FAM178B: variants seen among roughly 807,000 people sequenced by gnomAD.
The protein encoded by FAM178B is family with sequence similarity 178 member B.
Under a neutral mutation model 91.7 loss-of-function variants are expected in FAM178B, and 82 were observed. That is an observed-to-expected ratio of 0.89 (90% CI 0.75 to 1.07). The LOEUF is 1.07. Among genes scored for constraint, FAM178B ranks in the 50% least tolerant of loss-of-function variants. FAM178B has a pLI of 0.00. For missense variants in FAM178B, 769 were observed against 846.7 expected (o/e 0.91, Z 1.14); for synonymous variants, 368 against 359.4 (o/e 1.02, Z -0.27).
chr2:96,942,921 G>C (rs1170477948), intron 8 of FAM178B, among the ~76,000 whole-genome samples: 2 of 152,132 alleles, frequency 1.3e-5, no homozygotes, highest in Non-Finnish European at 2.9e-5. Context: ...TCAACAAATG[G>C]TGCTGAGACA....
intron 12 of FAM178B, among the ~76,000 whole-genome samples, chr2:96,912,619 C>T (rs545465360): frequency 6.6e-6 from 1 of 152,230 alleles, no homozygotes; most frequent in East Asian, 1.9e-4. Context: ...AGCTCCTGGC[C>T]CTTTAGGTCC....
At chr2:96,942,559 A>AT (rs1036103366) in intron 8 of FAM178B, among the ~76,000 whole-genome samples, 2 of 151,088 alleles carry the variant, frequency 1.3e-5, no homozygotes, top group African/African-American at 2.4e-5. Flanking sequence ...TGCCCGGCTA[A>AT]TTTTTTTTTG....
intron 10 of FAM178B, among the ~76,000 whole-genome samples, chr2:96,922,112 T>C (rs536021882): frequency 6.6e-6 from 1 of 152,218 alleles, no homozygotes; most frequent in East Asian, 1.9e-4. Context: ...AACAGTGAAT[T>C]AGCATGCTAA....
chr2:96,975,794 A>G (rs1190992202), intron 1 of FAM178B, among the ~76,000 whole-genome samples: 1 of 152,198 alleles, frequency 6.6e-6, no homozygotes, highest in Non-Finnish European at 1.5e-5. Context: ...CCCCTTATCG[A>G]TTTCACTTTC....
chr2:96,892,378 C>G (rs2080703454), intron 14 of FAM178B, among the ~76,000 whole-genome samples: 1 of 152,210 alleles, frequency 6.6e-6, no homozygotes, highest in South Asian at 2.1e-4. Flanking sequence ...ACTCGCCTGC[C>G]TCTCCACTGC....
At chr2:96,963,415 A>C (rs1406222857) in intron 5 of FAM178B, among the ~76,000 whole-genome samples, 2 of 152,208 alleles carry the variant, frequency 1.3e-5, no homozygotes, top group Non-Finnish European at 2.9e-5. Context: ...CACGCTAATT[A>C]AATTCAGTCT....
At chr2:96,904,259 A>AT (rs2080987991) in intron 12 of FAM178B, among the ~76,000 whole-genome samples, 3 of 152,096 alleles carry the variant, frequency 2.0e-5, no homozygotes, top group Non-Finnish European at 4.4e-5. Context: ...GCTCAGTCCT[A>AT]CGGGGGGGTG....
chr2:96,890,227 A>T (rs1408565037), intron 14 of FAM178B, among the ~76,000 whole-genome samples: 1 of 152,112 alleles, frequency 6.6e-6, no homozygotes, highest in Non-Finnish European at 1.5e-5. Context: ...GTGAGCCGAG[A>T]TCCAGTCAGT....
In FAM178B at chr2:96,951,405, C is replaced by A. The variant is rs1325406609; in HGVS notation, c.967G>T (p.Val323Leu). The A allele has an allele frequency of 6.4e-7, 1 of 1,551,488 alleles. No homozygotes were observed. Among genetic ancestry groups the A allele is most frequent in the Non-Finnish European group, 8.7e-7 (1 of 1,146,804 alleles). Residue 323 changes from valine (V) to leucine (L), a missense_variant, in exon 7 of 17, where the codon GTA becomes TTA. Transcript: ENST00000490605. ...ILYLHMPDCP[V>L]SLLQWLFQLL... ...TGGAACAGCCACTGGAGCAGGGATA[C>A]CGGGCAGTCAGGCATGTGCAGGTAG...
intron 12 of FAM178B, among the ~76,000 whole-genome samples, chr2:96,905,291 C>G (rs1416806439): frequency 6.6e-6 from 1 of 152,128 alleles, no homozygotes; most frequent in Non-Finnish European, 1.5e-5. Flanking sequence ...GGCACAGTAG[C>G]TCACGCCTGT....
intron 13 of FAM178B, among the ~76,000 whole-genome samples, chr2:96,900,168 G>A (rs2080899996): frequency 6.6e-6 from 1 of 152,136 alleles, no homozygotes. Flanking sequence ...CGCTGGGCCT[G>A]TCCGTCAGCC....
chr2:96,957,046 G>A (rs2082009502), intron 6 of FAM178B, among the ~76,000 whole-genome samples: 1 of 151,458 alleles, frequency 6.6e-6, no homozygotes, highest in Non-Finnish European at 1.5e-5. Flanking sequence ...ATTTTTTTGG[G>A]TTGAGACGGG....
chr2:96,899,191 T>G (rs958434519), intron 13 of FAM178B, among the ~76,000 whole-genome samples: 2 of 152,174 alleles, frequency 1.3e-5, no homozygotes, highest in African/African-American at 4.8e-5. Flanking sequence ...TCGCCATGAA[T>G]CTCTCACTCC....
chr2:96,970,614 T>A, intron 4 of FAM178B, 102 bp downstream of exon 4: 1 of 881,040 alleles, frequency 1.1e-6, no homozygotes, highest in Non-Finnish European at 1.8e-6. Context: ...TGAGTCTGGG[T>A]GGGAGGCCGC....
At position 96,975,738 on chromosome 2, in the gene FAM178B, T is replaced by A. The variant is rs569487419; in HGVS notation, c.74-3132A>T. On this transcript the variant is annotated intron_variant, in intron 1 of 16. Transcript: ENST00000490605. The stretch of plus-strand genomic sequence containing the variant: ...CTACACATTTCAAAACATGTTACAC[T>A]AAATGTACCATAGAAAAACATGTTA... 7.9e-5 allele frequency among the ~76,000 whole-genome samples: 12 copies of A among 152,354 alleles called. 1 individual carries two copies. The South Asian group carries it at 1.4e-3, about 18-fold the overall frequency.
chr2:96,937,560 G>A (rs2081653185), intron 8 of FAM178B, among the ~76,000 whole-genome samples: 1 of 152,206 alleles, frequency 6.6e-6, no homozygotes, highest in African/African-American at 2.4e-5. Flanking sequence ...GGAATCAGGA[G>A]GGGAGGCTTT....
intron 13 of FAM178B, chr2:96,895,148 A>G (rs1303466748): frequency 1.6e-6 from 2 of 1,282,624 alleles, no homozygotes; most frequent in Non-Finnish European, 2.0e-6. Context: ...TTTTCCTTCC[A>G]GGGGATTTTA....
rs774409718 is a variant in FAM178B, at chr2:96,971,968, C to T, written c.497G>A (p.Gly166Asp). The T allele has an allele frequency of 6.4e-7, 1 of 1,560,492 alleles. No homozygotes were observed. The highest frequency in any genetic ancestry group is 1.2e-5 in the South Asian group (1 of 84,142). Residue 166 changes from glycine to aspartate, a missense_variant, in exon 3 of 17, where the codon GGC becomes GAC. Coordinates refer to ENST00000490605, the MANE Select transcript of FAM178B (RefSeq NM_001122646.3). ...GAACAGCTTCTCTGGCAAGGCCAGG[C>T]CCCTCTTCGGGTCCAAGTCCAGGTG... Reference protein sequence around the residue: ...QEHLDLDPKRGLALPEKLFWN... With the variant: ...QEHLDLDPKRDLALPEKLFWN...
chr2:96,902,822 C>T, intron 12 of FAM178B, 115 bp from the exon 13 acceptor site: 1 of 705,998 alleles, frequency 1.4e-6, no homozygotes, highest in East Asian at 2.8e-5. Context: ...ATCTGGGGTA[C>T]CCCAGCAAAG....
Sources: gnomAD v4.1 joint callset for allele counts (sites outside exome capture counted in the v4.1 genomes callset) on GRCh38, gnomAD v4.1.1 for gene constraint, MANE v1.5 for transcripts, NCBI Gene and HGNC (gene_info 2026-07-23, HGNC 2026-07-21) for gene names.